Variants in RUNDC3B observed in about 807,000 individuals in gnomAD.
The protein encoded by RUNDC3B is RUN domain-containing protein 3B.
A neutral mutation model predicts 58.4 loss-of-function variants in RUNDC3B; 33 were observed. The ratio of observed to expected loss-of-function variants is 0.56; its 90% CI spans 0.43 to 0.75. RUNDC3B has a LOEUF of 0.75. Among genes scored for constraint, RUNDC3B ranks in the 30% least tolerant of loss-of-function variants. The probability of loss-of-function intolerance (pLI) is 0.00; values close to 1 mark genes in which losing one functional copy is unlikely to be tolerated. For missense variants in RUNDC3B, 501 were observed against 535.7 expected (o/e 0.94, Z 0.64); for synonymous variants, 193 against 195.2 (o/e 0.99, Z 0.10).
chr7:87,730,696 C>T (rs982839021), intron 4 of RUNDC3B, among the ~76,000 whole-genome samples: 7 of 151,834 alleles, frequency 4.6e-5, no homozygotes, highest in Non-Finnish European at 7.4e-5. Context: ...GATTGTAGAG[C>T]CCTTGGGCCT....
intron 2 of RUNDC3B, among the ~76,000 whole-genome samples, chr7:87,669,600 T>C (rs903924545): frequency 2.6e-5 from 4 of 152,218 alleles, no homozygotes; most frequent in African/African-American, 9.6e-5. Context: ...GTTTTTGTAT[T>C]AGCTGGTATT....
intron 2 of RUNDC3B, among the ~76,000 whole-genome samples, chr7:87,660,050 A>G (rs1409368497): frequency 6.6e-6 from 1 of 152,144 alleles, no homozygotes; most frequent in South Asian, 2.1e-4. Context: ...TGTGTTTATG[A>G]GTAAAATTAG....
At chr7:87,707,826 T>G (rs1335007386) in intron 3 of RUNDC3B, among the ~76,000 whole-genome samples, 1 of 152,178 alleles carries the variant, frequency 6.6e-6, no homozygotes, top group Non-Finnish European at 1.5e-5. Flanking sequence ...TTGTGTAAAG[T>G]ATGTTCTCTA....
chr7:87,736,890 T>TATATATATATATA (rs1491485968), intron 4 of RUNDC3B, among the ~76,000 whole-genome samples: 1 of 26,878 alleles, frequency 3.7e-5, no homozygotes, highest in Non-Finnish European at 6.0e-5. Flanking sequence ...TATATATATA[T>TATATATATATATA]TTTTTTTTTT....
intron 8 of RUNDC3B, among the ~76,000 whole-genome samples, chr7:87,806,730 T>TA (rs1013990742): frequency 6.6e-6 from 1 of 152,190 alleles, no homozygotes; most frequent in African/African-American, 2.4e-5. Flanking sequence ...TTAAAACATT[T>TA]ACAGTGTTTT....
chr7:87,646,158 A>G (rs1280994319), intron 1 of RUNDC3B, among the ~76,000 whole-genome samples: 2 of 152,186 alleles, frequency 1.3e-5, no homozygotes, highest in Admixed American at 6.5e-5. Flanking sequence ...TATGACACAG[A>G]TAGTATCTTC....
At position 87,802,742 on chromosome 7, in the gene RUNDC3B, C is replaced by T. The variant is rs74605747; in HGVS notation, c.957-4631C>T. 9.7e-3 allele frequency among the ~76,000 whole-genome samples: 1,470 copies of T among 152,212 alleles called. 14 individuals carry two copies. The highest frequency in any genetic ancestry group is 0.016 in the Non-Finnish European group (1,067 of 68,018). ...AATTAAGGCAAGGCATAGTGGCTCA[C>T]GCCTGTAATCCCAGCACTTTAGGAG... is the stretch of plus-strand genomic sequence containing the variant. On this transcript the variant is annotated intron_variant, in intron 8 of 10. Coordinates refer to ENST00000394654, the MANE Select transcript of RUNDC3B (RefSeq NM_001134405.2).
chr7:87,728,502 G>A (rs1831380887), intron 4 of RUNDC3B, among the ~76,000 whole-genome samples: 1 of 152,156 alleles, frequency 6.6e-6, no homozygotes, highest in South Asian at 2.1e-4. Context: ...TTCTAGGGGA[G>A]AATTAATTTC....
intron 2 of RUNDC3B, among the ~76,000 whole-genome samples, chr7:87,695,972 A>T (rs1196316607): frequency 1.3e-5 from 2 of 152,134 alleles, no homozygotes; most frequent in African/African-American, 4.8e-5. Context: ...AGATAATCAC[A>T]TAGCTGGTCA....
intron 6 of RUNDC3B, among the ~76,000 whole-genome samples, chr7:87,755,798 T>G (rs539764682): frequency 6.6e-6 from 1 of 152,314 alleles, no homozygotes; most frequent in South Asian, 2.1e-4. Flanking sequence ...GTATTCCCCT[T>G]GAAAACTGGC....
chr7:87,770,420 T>A (rs1221753156), intron 6 of RUNDC3B, among the ~76,000 whole-genome samples, 161 bp from the exon 7 acceptor site: 3 of 151,328 alleles, frequency 2.0e-5, no homozygotes, highest in African/African-American at 7.3e-5. Context: ...TAACTTGCCA[T>A]TTTTTTTTCA....
chr7:87,795,374 A>G (rs866870619), intron 8 of RUNDC3B, among the ~76,000 whole-genome samples: 1 of 152,344 alleles, frequency 6.6e-6, no homozygotes, highest in Middle Eastern at 3.4e-3. Context: ...GGCATATGAA[A>G]AGGTGCTCAA....
chr7:87,825,455 C>T (rs935428029), intron 10 of RUNDC3B, among the ~76,000 whole-genome samples: 1 of 152,072 alleles, frequency 6.6e-6, no homozygotes, highest in Admixed American at 6.5e-5. Context: ...ACCTGGATGC[C>T]CAGGCAGAAG....
Position 87,831,623 on chromosome 7 carries a change from T to C in RUNDC3B, c.*1593T>C, listed in dbSNP as rs1184445410. The C allele has an allele frequency of 6.6e-6, 1 of 151,926 alleles. No homozygotes were observed. The highest frequency in any genetic ancestry group is 1.5e-5 in the Non-Finnish European group (1 of 67,868). 9.4% of individuals were successfully genotyped at this position (151,926 alleles called of 1,614,324 possible). On this transcript the variant is annotated 3_prime_UTR_variant, in exon 11 of 11. Coordinates refer to ENST00000394654, the MANE Select transcript of RUNDC3B (RefSeq NM_001134405.2). ...ACATTTTTTGTTCTCAATTTCTCAATTCTACATACCTGATTATGAGTGAAG... is the reference window on the plus strand; with the variant it reads ...ACATTTTTTGTTCTCAATTTCTCAACTCTACATACCTGATTATGAGTGAAG...
chr7:87,742,071 T>G (rs1369751647), intron 6 of RUNDC3B, among the ~76,000 whole-genome samples: 1 of 152,220 alleles, frequency 6.6e-6, no homozygotes, highest in Non-Finnish European at 1.5e-5. Context: ...TAGCAATTTA[T>G]TCTGTTACCA....
At chr7:87,664,445 G>T (rs1825029511) in intron 2 of RUNDC3B, among the ~76,000 whole-genome samples, 2 of 152,114 alleles carry the variant, frequency 1.3e-5, no homozygotes, top group African/African-American at 2.4e-5. Context: ...ATTGTGAGAT[G>T]ACCCAGATGT....
chr7:87,654,865 C>A (rs891299728), intron 2 of RUNDC3B, among the ~76,000 whole-genome samples: 6 of 151,954 alleles, frequency 3.9e-5, no homozygotes, highest in African/African-American at 1.4e-4. Context: ...AAATAAATAG[C>A]CTGATTTAGG....
intron 6 of RUNDC3B, among the ~76,000 whole-genome samples, chr7:87,762,693 G>A (rs73706917): frequency 0.013 from 1,924 of 151,176 alleles, 42 homozygotes; most frequent in African/African-American, 0.044. Context: ...TCAATTCAGA[G>A]ACATTATGTA....
intron 2 of RUNDC3B, among the ~76,000 whole-genome samples, chr7:87,698,065 T>C (rs1473885543): frequency 2.0e-5 from 3 of 152,254 alleles, no homozygotes; most frequent in African/African-American, 4.8e-5. Flanking sequence ...TGTAGATTTC[T>C]ATTTGTAAGT....
Sources: gnomAD v4.1 joint callset for allele counts (sites outside exome capture counted in the v4.1 genomes callset) on GRCh38, gnomAD v4.1.1 for gene constraint, MANE v1.5 for transcripts, NCBI Gene and HGNC (gene_info 2026-07-23, HGNC 2026-07-21) for gene names.